The following SLCO3A1 variants were observed in gnomAD, a reference collection of about 807,000 sequenced individuals.
SLCO3A1 encodes the protein PGE1 transporter.
SLCO3A1 carries 27 observed loss-of-function variants against 63.1 expected under a neutral mutation model. The ratio of observed to expected loss-of-function variants is 0.43; its 90% CI spans 0.32 to 0.59. The LOEUF (loss-of-function observed/expected upper bound fraction) is 0.59, where lower values mean the gene tolerates loss of function less well. Ranked by LOEUF, SLCO3A1 falls within the 20% of genes least tolerant of loss-of-function variation. The pLI is 0.09. For synonymous variants in SLCO3A1, 473 were observed against 409.9 expected (o/e 1.15, Z -1.86); for missense variants, 773 against 945.8 (o/e 0.82, Z 2.40).
chr15:91,956,446 T>A (rs1397085913), intron 2 of SLCO3A1, among the ~76,000 whole-genome samples: 1 of 151,904 alleles, frequency 6.6e-6, no homozygotes, highest in Non-Finnish European at 1.5e-5. Flanking sequence ...TATTTGTGAG[T>A]GGAGTAAGCG....
intron 2 of SLCO3A1, among the ~76,000 whole-genome samples, chr15:91,965,271 GC>G (rs1900615365): frequency 6.6e-6 from 1 of 152,180 alleles, no homozygotes; most frequent in Non-Finnish European, 1.5e-5. Flanking sequence ...CCAAAGCCAA[GC>G]CCTGGCTCCT....
intron 2 of SLCO3A1, among the ~76,000 whole-genome samples, chr15:92,089,358 C>A (rs575230953): frequency 1.2e-4 from 19 of 152,294 alleles, no homozygotes; most frequent in African/African-American, 4.6e-4. Context: ...TCTGACACTG[C>A]GTGGCACATG....
intron 2 of SLCO3A1, among the ~76,000 whole-genome samples, chr15:91,971,820 ATTCAGCAGTGGCTCCG>A (rs869226565): frequency 1.2e-5 from 1 of 80,600 alleles, no homozygotes; most frequent in Non-Finnish European, 3.6e-5. Context: ...GTGGCTCCGT[ATTCAGCAGTGGCTCCG>A]TATTCAACAG....
At chr15:92,132,069 C>A (rs1210948698) in intron 7 of SLCO3A1, among the ~76,000 whole-genome samples, 1 of 145,762 alleles carries the variant, frequency 6.9e-6, no homozygotes, top group Non-Finnish European at 1.5e-5. Flanking sequence ...CTGTACTGAC[C>A]TCAGAGAGCC....
intron 2 of SLCO3A1, among the ~76,000 whole-genome samples, chr15:91,921,883 C>A (rs1459376639): frequency 1.3e-5 from 2 of 152,048 alleles, no homozygotes; most frequent in Non-Finnish European, 2.9e-5. Context: ...GTGCCTGCCA[C>A]CACACCCGGT....
At position 91,992,117 on chromosome 15, in the gene SLCO3A1, C is replaced by A. The variant is rs1461010023; in HGVS notation, c.646+75659C>A. On this transcript the variant is annotated intron_variant, in intron 2 of 9. Transcript: ENST00000318445. ...ACAGTTTAAGTTCTAATCCATACTTCAAGGTTAGCTTCCATTTTGGATTTA... is the reference window on the plus strand; with the variant it reads ...ACAGTTTAAGTTCTAATCCATACTTAAAGGTTAGCTTCCATTTTGGATTTA... Among the ~76,000 whole-genome samples, 12 of 152,224 alleles carry A rather than the reference C, an allele frequency of 7.9e-5. 1 individual carries two copies. The East Asian group carries it at 2.3e-3, about 29-fold the overall frequency.
intron 2 of SLCO3A1, among the ~76,000 whole-genome samples, chr15:91,996,108 A>G (rs1168906783): frequency 6.6e-6 from 1 of 152,178 alleles, no homozygotes; most frequent in Non-Finnish European, 1.5e-5. Context: ...TATCAATGTT[A>G]AAAAAGAGAT....
At chr15:91,949,753 T>G (rs1899935194) in intron 2 of SLCO3A1, among the ~76,000 whole-genome samples, 1 of 152,114 alleles carries the variant, frequency 6.6e-6, no homozygotes, top group African/African-American at 2.4e-5. Flanking sequence ...TCCCAGCTAC[T>G]TGGGAGGTCA....
intron 2 of SLCO3A1, among the ~76,000 whole-genome samples, chr15:92,034,610 CA>C (rs2046700452): frequency 6.6e-6 from 1 of 151,724 alleles, no homozygotes; most frequent in Non-Finnish European, 1.5e-5. Context: ...TGGGCAGGAC[CA>C]GGTGGAAGCC....
chr15:92,113,173 G>A (rs562138916), intron 4 of SLCO3A1, among the ~76,000 whole-genome samples: 4 of 152,286 alleles, frequency 2.6e-5, no homozygotes, highest in East Asian at 1.9e-4. Flanking sequence ...GATCCCGAGC[G>A]GAGCCTGCGT....
Position 91,931,788 on chromosome 15 carries a change from A to AACACACACACAT in SLCO3A1, c.646+15341_646+15342insTACACACACACA, listed in dbSNP as rs1555450768. 9.7e-3 allele frequency among the ~76,000 whole-genome samples: 1,393 copies of AACACACACACAT among 144,208 alleles called. 18 individuals are homozygous for AACACACACACAT. The highest frequency in any genetic ancestry group is 0.014 in the Non-Finnish European group (943 of 65,046). 94.6% of individuals were successfully genotyped at this position (144,208 alleles called of 152,430 possible). Reference sequence around the variant, plus strand: ...GCCCGGCTGGTGTCTTAAGTGTGGAAACACACACACACGCACACACACACA... The same window carrying AACACACACACAT: ...GCCCGGCTGGTGTCTTAAGTGTGGAAACACACACACATACACACACACACGCACACACACACA... On this transcript the variant is annotated intron_variant, in intron 2 of 9. Transcript: ENST00000318445.
chr15:92,058,754 A>T (rs2047051528), intron 2 of SLCO3A1, among the ~76,000 whole-genome samples: 1 of 152,138 alleles, frequency 6.6e-6, no homozygotes, highest in Admixed American at 6.5e-5. Context: ...TCCACGATCA[A>T]GGTGTCTTAG....
chr15:91,878,788 A>G (rs1178468907), intron 1 of SLCO3A1, among the ~76,000 whole-genome samples: 1 of 152,200 alleles, frequency 6.6e-6, no homozygotes, highest in East Asian at 1.9e-4. Flanking sequence ...CTGAAAAAGT[A>G]CCCATGCTTC....
At chr15:91,926,607 A>ACGCGCGCG (rs150359710) in intron 2 of SLCO3A1, among the ~76,000 whole-genome samples, 2,099 of 135,598 alleles carry the variant, frequency 0.015, 36 homozygotes, top group African/African-American at 0.026. Context: ...GCGCGCGCGC[A>ACGCGCGCG]CGCCCATGCT....
intron 2 of SLCO3A1, among the ~76,000 whole-genome samples, chr15:92,091,189 C>A (rs551980020): frequency 6.6e-6 from 1 of 152,250 alleles, no homozygotes; most frequent in South Asian, 2.1e-4. Context: ...TGAATGGCTT[C>A]CAGGAGATCA....
chr15:91,909,816 T>C (rs12594572), intron 1 of SLCO3A1, among the ~76,000 whole-genome samples: 115,844 of 152,142 alleles, frequency 0.76, 45,027 homozygotes, highest in East Asian at 0.97. Context: ...AATCAGCTGC[T>C]GCCTCTGTTG....
In SLCO3A1 at chr15:92,045,279, C is replaced by CAAAAAA. The variant is rs11400205; in HGVS notation, c.647-49590_647-49585dup. Among the ~76,000 whole-genome samples the CAAAAAA allele has an allele frequency of 6.3e-4, 82 of 129,506 alleles. 1 individual carries two copies. The highest frequency in any genetic ancestry group is 2.4e-3 in the African/African-American group (82 of 34,206). The allele number at this position is 129,506 out of a possible 152,430, so 85.0% of individuals were successfully genotyped here. ...TGGGTGACAGAGCAAGACTCCATCT[C>CAAAAAA]AAAAAAAAAAAAAAAAATTGTCTCT... On this transcript the variant is annotated intron_variant, in intron 2 of 9. Coordinates refer to ENST00000318445, the MANE Select transcript of SLCO3A1 (RefSeq NM_013272.4).
intron 2 of SLCO3A1, among the ~76,000 whole-genome samples, chr15:92,032,490 G>A (rs2046664491): frequency 2.0e-5 from 3 of 152,192 alleles, no homozygotes; most frequent in Admixed American, 2.0e-4. Context: ...AGTCAGTGCA[G>A]GGGTGGTGAG....
intron 4 of SLCO3A1, among the ~76,000 whole-genome samples, chr15:92,117,562 C>T (rs1430194781): frequency 1.3e-5 from 2 of 152,172 alleles, no homozygotes; most frequent in East Asian, 3.8e-4. Flanking sequence ...CTTGCCAAAA[C>T]ACATAAACCA....
Sources: gnomAD v4.1 joint callset for allele counts (sites outside exome capture counted in the v4.1 genomes callset) on GRCh38, gnomAD v4.1.1 for gene constraint, MANE v1.5 for transcripts, NCBI Gene and HGNC (gene_info 2026-07-23, HGNC 2026-07-21) for gene names.